Variants in NREP observed in about 807,000 individuals in gnomAD.
The protein encoded by NREP is neuronal regeneration-related protein.
Under a neutral mutation model 8.6 loss-of-function variants are expected in NREP, and 5 were observed. That is an observed-to-expected ratio of 0.58 (90% CI 0.30 to 1.22). The LOEUF (loss-of-function observed/expected upper bound fraction) is 1.22, where lower values mean the gene tolerates loss of function less well. NREP is among the 50% of genes most tolerant of loss of function. The pLI, the probability that NREP is intolerant of heterozygous loss-of-function variation, is 0.07. For synonymous variants in NREP, 27 were observed against 28.0 expected, an observed-to-expected ratio of 0.96 and a Z score of 0.11; for missense variants, 86 against 82.5, an observed-to-expected ratio of 1.04 and a Z score of -0.17.
chr5:111,786,686 C>A (rs1046221574), intron 2 of NREP, among the ~76,000 whole-genome samples: 3 of 152,118 alleles, frequency 2.0e-5, no homozygotes, highest in Non-Finnish European at 2.9e-5. Flanking sequence ...GGTAAATGTA[C>A]AATTTGTAAT....
intron 2 of NREP, among the ~76,000 whole-genome samples, chr5:111,773,397 G>A (rs998061154): frequency 6.6e-6 from 1 of 152,186 alleles, no homozygotes; most frequent in African/African-American, 2.4e-5. Flanking sequence ...CAAGAAAATA[G>A]TGGTCACACA....
Position 111,849,647 on chromosome 5 carries a change from T to C in NREP, c.136-114140A>G, listed in dbSNP as rs1753262131. 2.6e-5 allele frequency among the ~76,000 whole-genome samples: 4 copies of C among 152,122 alleles called. No homozygotes were observed. In the South Asian group the frequency reaches 8.3e-4, roughly 32 times the overall value. On this transcript the variant is annotated intron_variant, in intron 2 of 3. Transcript: ENST00000395634. ...AGGGATATTTTTTGAATTATTATCT[T>C]ATCCATCTGTAGTGAAGACTGTTAG...
intron 2 of NREP, among the ~76,000 whole-genome samples, chr5:111,746,582 C>T (rs1190002380): frequency 6.6e-6 from 1 of 152,090 alleles, no homozygotes; most frequent in Non-Finnish European, 1.5e-5. Context: ...ATCTCAATTA[C>T]CCAGTCAATA....
chr5:111,777,343 G>GGTGTGTGTGTGAGTGTGT (rs1751388707), intron 2 of NREP, among the ~76,000 whole-genome samples: 1 of 147,760 alleles, frequency 6.8e-6, no homozygotes, highest in African/African-American at 2.5e-5. Flanking sequence ...GTGTGGTGTG[G>GGTGTGTGTGTGAGTGTGT]GTGTGTGTGT....
intron 2 of NREP, among the ~76,000 whole-genome samples, chr5:111,962,180 T>A (rs954458457): frequency 6.6e-6 from 1 of 152,184 alleles, no homozygotes; most frequent in African/African-American, 2.4e-5. Flanking sequence ...GATGACTACA[T>A]TTTGTTTTTA....
downstream of NREP, chr5:111,729,260 C>T (rs1012469404): frequency 1.3e-5 from 2 of 152,200 alleles, no homozygotes; most frequent in African/African-American, 4.8e-5. Flanking sequence ...CCAGAGAAGA[C>T]ATTCAAAACT....
chr5:111,961,501 A>T (rs1051533946), intron 2 of NREP, among the ~76,000 whole-genome samples: 2 of 152,234 alleles, frequency 1.3e-5, no homozygotes, highest in African/African-American at 4.8e-5. Context: ...AATGGTAAAG[A>T]CATGCTCTGA....
At chr5:111,747,762 T>A (rs1561643816) in intron 2 of NREP, among the ~76,000 whole-genome samples, 1 of 152,156 alleles carries the variant, frequency 6.6e-6, no homozygotes, top group African/African-American at 2.4e-5. Flanking sequence ...TTCTTGAATA[T>A]AAGTTATATT....
intron 2 of NREP, among the ~76,000 whole-genome samples, chr5:111,823,119 T>C (rs1378642309): frequency 2.6e-5 from 4 of 152,208 alleles, no homozygotes; most frequent in Non-Finnish European, 5.9e-5. Flanking sequence ...GCAGAAATCA[T>C]GGCAAGAGAG....
At chr5:111,849,293 G>A (rs970530374) in intron 2 of NREP, among the ~76,000 whole-genome samples, 3 of 152,204 alleles carry the variant, frequency 2.0e-5, no homozygotes, top group Admixed American at 1.3e-4. Context: ...ATTTTCAGAG[G>A]CACTAGGGAA....
At chr5:111,820,615 C>T (rs1752494554) in intron 2 of NREP, among the ~76,000 whole-genome samples, 2 of 151,606 alleles carry the variant, frequency 1.3e-5, no homozygotes, top group Non-Finnish European at 2.9e-5. Flanking sequence ...ACATATATGG[C>T]TGATCATAAA....
chr5:111,885,654 C>G (rs1754223130), intron 2 of NREP, among the ~76,000 whole-genome samples: 2 of 152,038 alleles, frequency 1.3e-5, no homozygotes. Flanking sequence ...ACAGAGCCCT[C>G]AGAAATAATG....
At chr5:111,733,490 C>A (rs916762208) in intron 3 of NREP, 5 of 151,338 alleles carry the variant, frequency 3.3e-5, no homozygotes, top group Admixed American at 6.6e-5. Context: ...AATCCACACA[C>A]CCTCCCACTA....
chr5:111,955,148 C>T (rs531559109), intron 2 of NREP, among the ~76,000 whole-genome samples: 1 of 152,186 alleles, frequency 6.6e-6, no homozygotes, highest in Admixed American at 6.5e-5. Flanking sequence ...AAACAGAAAG[C>T]AGAAGAATAA....
intron 2 of NREP, among the ~76,000 whole-genome samples, chr5:111,878,412 G>A (rs1753963832): frequency 2.0e-5 from 3 of 152,024 alleles, no homozygotes; most frequent in Admixed American, 6.5e-5. Context: ...GAATGGTCAG[G>A]CACTTATAAA....
chr5:111,821,805 T>G (rs1446022751), intron 2 of NREP, among the ~76,000 whole-genome samples: 1 of 152,162 alleles, frequency 6.6e-6, no homozygotes, highest in Non-Finnish European at 1.5e-5. Context: ...CTCTCTTGCC[T>G]TCACTTTTTG....
At chr5:111,881,420 A>G (rs575313105) in intron 2 of NREP, among the ~76,000 whole-genome samples, 1 of 152,306 alleles carries the variant, frequency 6.6e-6, no homozygotes, top group South Asian at 2.1e-4. Flanking sequence ...AAACAAAAAG[A>G]CAGCAGTAAC....
chr5:111,731,516 G>GTATC (rs1561626994), intron 3 of NREP, among the ~76,000 whole-genome samples: 2 of 151,384 alleles, frequency 1.3e-5, no homozygotes, highest in African/African-American at 2.4e-5. Flanking sequence ...ATTTAAAAAC[G>GTATC]TATCTCAACT....
intron 2 of NREP, among the ~76,000 whole-genome samples, chr5:111,866,791 T>C (rs1465797645): frequency 3.3e-5 from 5 of 152,006 alleles, no homozygotes; most frequent in Admixed American, 2.6e-4. Context: ...GTGGCACATA[T>C]ACACCATGGA....
Sources: gnomAD v4.1 joint callset for allele counts (sites outside exome capture counted in the v4.1 genomes callset) on GRCh38, gnomAD v4.1.1 for gene constraint, MANE v1.5 for transcripts, NCBI Gene and HGNC (gene_info 2026-07-23, HGNC 2026-07-21) for gene names.